Variants in ATP6V0D1 observed in about 807,000 individuals in gnomAD.
The protein encoded by ATP6V0D1 is V-type proton ATPase subunit d 1.
Under a neutral mutation model 39.0 loss-of-function variants are expected in ATP6V0D1, and 13 were observed. That is an observed-to-expected ratio of 0.33 (90% CI 0.22 to 0.53). ATP6V0D1 has a LOEUF of 0.53. ATP6V0D1 is among the 20% of genes least tolerant of loss of function. The pLI, the probability that ATP6V0D1 is intolerant of heterozygous loss-of-function variation, is 0.94. For missense variants in ATP6V0D1, 272 were observed against 470.9 expected (o/e 0.58, Z 3.91); for synonymous variants, 191 against 191.2 (o/e 1.00, Z 0.01).
At chr16:67,457,744 G>C (rs2041252459) in intron 1 of ATP6V0D1, 2 of 852,942 alleles carry the variant, frequency 2.3e-6, no homozygotes, top group Non-Finnish European at 3.4e-6. Context: ...GGCTCAGCAA[G>C]GGCCTCCAAG....
intron 4 of ATP6V0D1, chr16:67,439,596 G>C: frequency 3.5e-6 from 2 of 569,288 alleles, no homozygotes. Context: ...CCGACTGTCT[G>C]CTTCAGGCTA....
intron 4 of ATP6V0D1, chr16:67,439,623 C>A: frequency 1.9e-6 from 1 of 519,192 alleles, no homozygotes; most frequent in East Asian, 3.2e-5. Flanking sequence ...CCTTCACCCC[C>A]TCACCTCACA....
chr16:67,473,993 A>G (rs546632801), intron 1 of ATP6V0D1, among the ~76,000 whole-genome samples: 6 of 152,294 alleles, frequency 3.9e-5, no homozygotes, highest in Non-Finnish European at 8.8e-5. Context: ...AATAAAGCCC[A>G]TACCCATTAA....
intron 1 of ATP6V0D1, among the ~76,000 whole-genome samples, chr16:67,472,827 G>A (rs900147672): frequency 5.3e-5 from 8 of 152,028 alleles, no homozygotes; most frequent in African/African-American, 1.9e-4. Context: ...CCAAGATCGC[G>A]CCACTGCACT....
At chr16:67,449,054 A>C (rs2142307850) in intron 2 of ATP6V0D1, among the ~76,000 whole-genome samples, 1 of 152,366 alleles carries the variant, frequency 6.6e-6, no homozygotes, top group South Asian at 2.1e-4. Context: ...GTCCTGGAGA[A>C]AATCACAGAT....
intron 1 of ATP6V0D1, among the ~76,000 whole-genome samples, chr16:67,470,058 A>G (rs989333352): frequency 1.3e-5 from 2 of 152,198 alleles, no homozygotes; most frequent in African/African-American, 4.8e-5. Context: ...GTAGTATTCC[A>G]TTGTAAGAAT....
rs1016207360 is a variant in ATP6V0D1, at chr16:67,447,217, G to A, written c.303-2511C>T. On this transcript the variant is annotated intron_variant, in intron 2 of 7. Transcript: ENST00000290949. This position sits in a 1 kb window ranked among gnomAD's most constrained non-coding sequence, Gnocchi z 4.1. ...TCTTCAAACCCAAGCCAGGCCAATC[G>A]TGGGCGATCCTGTGCCAGGCCCAGC... Among the ~76,000 whole-genome samples, 2 of 152,228 alleles carry A rather than the reference G, an allele frequency of 1.3e-5. No homozygotes were observed. Among genetic ancestry groups the A allele is most frequent in the East Asian group, 1.9e-4 (1 of 5,196 alleles).
At position 67,456,617 on chromosome 16, in the gene ATP6V0D1, C is replaced by T. The variant is rs540641596; in HGVS notation, c.131-2902G>A. 413 of 152,382 alleles carry T rather than the reference C, an allele frequency of 2.7e-3. No individual in the cohort carries two copies. The highest frequency in any genetic ancestry group is 5.2e-3 in the Non-Finnish European group (357 of 68,052). 9.4% of individuals were successfully genotyped at this position (152,382 alleles called of 1,614,324 possible). Reference sequence around the variant, plus strand: ...GCAGCTGCCAGACCAAACCTGTCTGCTTATTCACACAGCCACTGCAGCCAG... The same window carrying T: ...GCAGCTGCCAGACCAAACCTGTCTGTTTATTCACACAGCCACTGCAGCCAG... On this transcript the variant is annotated intron_variant, in intron 1 of 7. Coordinates refer to ENST00000290949, the MANE Select transcript of ATP6V0D1 (RefSeq NM_004691.5). This position sits in a 1 kb window ranked among gnomAD's most constrained non-coding sequence, Gnocchi z 4.1.
intron 1 of ATP6V0D1, among the ~76,000 whole-genome samples, chr16:67,465,646 G>A (rs2041323141): frequency 6.6e-6 from 1 of 152,216 alleles, no homozygotes. Context: ...TGAGGACGGT[G>A]TGGTGGGCAA....
chr16:67,443,403 T>C (rs2041076867), intron 3 of ATP6V0D1: 5 of 537,896 alleles, frequency 9.3e-6, no homozygotes, highest in African/African-American at 1.9e-5. Context: ...AATTGATTTA[T>C]AAAGGAGGCA....
At position 67,438,451 on chromosome 16, in the gene ATP6V0D1, A is replaced by ACACACACACGCACACACACGCG; in HGVS notation, c.*55_*76dup. On this transcript the variant is annotated 3_prime_UTR_variant, in exon 8 of 8. Transcript: ENST00000290949. ...GCCACAGGCTTGTCACAGACCACAT[A>ACACACACACGCACACACACGCG]CACACACACGCACACACACGCGCAC... 6.6e-7 allele frequency: 1 copy of ACACACACACGCACACACACGCG among 1,508,694 alleles called. No individual in the cohort carries two copies. Among genetic ancestry groups the ACACACACACGCACACACACGCG allele is most frequent in the Non-Finnish European group, 9.0e-7 (1 of 1,114,874 alleles). The allele number at this position is 1,508,694 out of a possible 1,614,324, so 93.5% of individuals were successfully genotyped here. A position where few individuals can be genotyped will look rare whatever the true frequency, so the allele number is the denominator to read the frequency against.
intron 2 of ATP6V0D1, among the ~76,000 whole-genome samples, chr16:67,445,469 GGT>G: frequency 6.6e-6 from 1 of 152,302 alleles, no homozygotes; most frequent in East Asian, 1.9e-4. Context: ...AGCCAGTGGG[GGT>G]TCTCTGGAAT....
chr16:67,443,426 A>T (rs2041077420), intron 3 of ATP6V0D1: 2 of 516,190 alleles, frequency 3.9e-6, no homozygotes, highest in East Asian at 6.2e-5. Flanking sequence ...TAGCCATAAC[A>T]TGATCTAATC....
chr16:67,477,076 C>CAA (rs1180934875), intron 1 of ATP6V0D1, among the ~76,000 whole-genome samples: 8 of 55,246 alleles, frequency 1.4e-4, no homozygotes, highest in African/African-American at 2.0e-4. Flanking sequence ...TAAGTATTTA[C>CAA]AAAAAAAAAA....
At chr16:67,466,807 A>G (rs548441828) in intron 1 of ATP6V0D1, among the ~76,000 whole-genome samples, 1 of 152,308 alleles carries the variant, frequency 6.6e-6, no homozygotes, top group African/African-American at 2.4e-5. Flanking sequence ...AAAAAAAAGA[A>G]AAGAAAAGAA....
intron 1 of ATP6V0D1, among the ~76,000 whole-genome samples, chr16:67,478,886 A>C (rs938722818): frequency 2.0e-5 from 3 of 152,158 alleles, no homozygotes; most frequent in Non-Finnish European, 2.9e-5. Context: ...AGGAGTGAGG[A>C]AAGTCAAGAA....
chr16:67,457,426 A>G, intron 1 of ATP6V0D1: 1 of 471,610 alleles, frequency 2.1e-6, no homozygotes, highest in East Asian at 7.2e-5. Context: ...GACCCAGGAC[A>G]GGCTTTTCAG....
chr16:67,475,001 C>T (rs1326476158), intron 1 of ATP6V0D1, among the ~76,000 whole-genome samples: 1 of 152,206 alleles, frequency 6.6e-6, no homozygotes, highest in Non-Finnish European at 1.5e-5. Flanking sequence ...TACTCCCAGC[C>T]AATGCTTGAG....
chr16:67,454,184 G>A (rs1413258662), intron 1 of ATP6V0D1, among the ~76,000 whole-genome samples: 1 of 152,196 alleles, frequency 6.6e-6, no homozygotes, highest in Non-Finnish European at 1.5e-5. Flanking sequence ...GGAGTGGAGT[G>A]GAGAGGGCAC....
Sources: allele counts gnomAD v4.1 joint callset (sites outside exome capture counted in the v4.1 genomes callset), GRCh38; gene constraint gnomAD v4.1.1; non-coding constraint Gnocchi (gnomAD v3.1); transcripts MANE v1.5; gene names NCBI Gene and HGNC (gene_info 2026-07-23, HGNC 2026-07-21).